The following IPO9 variants were observed in gnomAD, a reference collection of about 807,000 sequenced individuals.
IPO9 encodes importin-9.
In IPO9, 28 loss-of-function variants were observed where a neutral mutation model predicts 128.6. That is an observed-to-expected ratio of 0.22 (90% CI 0.16 to 0.30). IPO9 has a LOEUF of 0.30. IPO9 is among the 10% of genes least tolerant of loss of function. The probability of loss-of-function intolerance (pLI) is 1.00; values close to 1 mark genes in which losing one functional copy is unlikely to be tolerated. For synonymous variants in IPO9, 455 were observed against 475.8 expected, an observed-to-expected ratio of 0.96 and a Z score of 0.57; for missense variants, 935 against 1,293.9, an observed-to-expected ratio of 0.72 and a Z score of 4.26.
chr1:201,857,866 T>C (rs1221989427), intron 11 of IPO9, among the ~76,000 whole-genome samples: 2 of 151,886 alleles, frequency 1.3e-5, no homozygotes. Context: ...GACAAAAGGT[T>C]GGCAAACCTA....
At position 201,829,270 on chromosome 1, in the gene IPO9, T is replaced by C. The variant is rs1303313794; in HGVS notation, c.61T>C (p.Leu21=). ...GCTGCCGGGTCCAGTGGCACAAGGA[T>C]TAAAGGAAGCGTTAGTGGATACGCT... ...SGLPGPVAQG[L]KEALVDTLTG... Residue 21 remains leucine (L), a synonymous_variant, in exon 1 of 24, where the codon TTA becomes CTA. Coordinates refer to ENST00000361565, the MANE Select transcript of IPO9 (RefSeq NM_018085.5). 2.5e-6 allele frequency: 4 copies of C among 1,598,686 alleles called. No individual in the cohort carries two copies. In the African/African-American group the frequency reaches 5.4e-5, roughly 22 times the overall value.
intron 21 of IPO9, 134 bp downstream of exon 21, chr1:201,874,506 C>T (rs1216781426): frequency 4.1e-6 from 4 of 982,384 alleles, no homozygotes; most frequent in Admixed American, 2.7e-5. Flanking sequence ...GTGGCTGGCA[C>T]CATGCTAGGC....
intron 1 of IPO9, among the ~76,000 whole-genome samples, chr1:201,842,540 A>G (rs1680053236): frequency 6.6e-6 from 1 of 152,166 alleles, no homozygotes. Flanking sequence ...GCCAGCTATC[A>G]AGTCAGCTTA....
At chr1:201,869,435 A>G (rs1180838091) in intron 16 of IPO9, among the ~76,000 whole-genome samples, 155 bp from the exon 17 acceptor site, 1 of 152,126 alleles carries the variant, frequency 6.6e-6, no homozygotes, top group Non-Finnish European at 1.5e-5. Context: ...TGAGAGTACT[A>G]CCCATTTAAT....
chr1:201,852,925 A>T, intron 5 of IPO9, 86 bp from the exon 6 acceptor site: 1 of 1,029,522 alleles, frequency 9.7e-7, no homozygotes, highest in Non-Finnish European at 1.5e-6. Flanking sequence ...TTCATTAGTC[A>T]TAGTTTTACT....
intron 23 of IPO9, 36 bp from the exon 24 acceptor site, chr1:201,875,908 A>C: frequency 7.6e-7 from 1 of 1,315,630 alleles, no homozygotes; most frequent in South Asian, 1.2e-5. Context: ...GTGACTTGCA[A>C]TGTCTCACTA....
In IPO9 at chr1:201,829,239, C is replaced by T. The variant is rs537589191; in HGVS notation, c.30C>T (p.Ala10=). 26 of 1,573,722 alleles carry T rather than the reference C, an allele frequency of 1.7e-5. No individual in the cohort carries two copies. The South Asian group carries it at 1.9e-4, about 11-fold the overall frequency. MAAAAAAGA[A]SGLPGPVAQG... ...CGGCGGCGGCGGCAGCTGGTGCGGC[C>T]TCCGGGCTGCCGGGTCCAGTGGCAC... The change falls in exon 1 of 24, where the codon GCC becomes GCT. Residue 10 remains alanine (A), a synonymous_variant. Coordinates refer to ENST00000361565, the MANE Select transcript of IPO9 (RefSeq NM_018085.5).
intron 5 of IPO9, 47 bp from the exon 6 acceptor site, chr1:201,852,964 C>A: frequency 1.4e-6 from 2 of 1,440,290 alleles, no homozygotes; most frequent in Non-Finnish European, 2.0e-6. Context: ...CATACCTACA[C>A]ACTCCAGTCT....
chr1:201,875,676 G>C (rs1178431058), intron 23 of IPO9, among the ~76,000 whole-genome samples: 2 of 152,134 alleles, frequency 1.3e-5, no homozygotes, highest in Non-Finnish European at 2.9e-5. Flanking sequence ...CAGGGTTTTG[G>C]GTGGGCTGGA....
Position 201,879,505 on chromosome 1 carries a change from T to C in IPO9, c.*3451T>C, listed in dbSNP as rs926265209. 5 of 152,158 alleles carry C rather than the reference T, an allele frequency of 3.3e-5. No homozygotes were observed. The highest frequency in any genetic ancestry group is 2.6e-4 in the Admixed American group (4 of 15,282). The allele number at this position is 152,158 out of a possible 1,614,324, so 9.4% of individuals were successfully genotyped here. A position where few individuals can be genotyped will look rare whatever the true frequency, so the allele number is the denominator to read the frequency against. ...ATTCCACAAAAGAATTTGAAGCCAT[T>C]TACACAAGAGATAGTACTAGTAAAT... On this transcript the variant is annotated 3_prime_UTR_variant, in exon 24 of 24. Coordinates refer to ENST00000361565, the MANE Select transcript of IPO9 (RefSeq NM_018085.5).
In IPO9 at chr1:201,883,700, T is replaced by C. The variant is rs1377655004; in HGVS notation, c.*7646T>C. On this transcript the variant is annotated 3_prime_UTR_variant, in exon 24 of 24. Transcript: ENST00000361565. ...TTCTGGAGAGGGGAACAAACCATAA[T>C]AACAACAAACCAGGTAGCAGGATAG... The C allele has an allele frequency of 6.6e-6, 1 of 152,254 alleles. No individual in the cohort carries two copies. Among genetic ancestry groups the C allele is most frequent in the African/African-American group, 2.4e-5 (1 of 41,460 alleles). 9.4% of individuals were successfully genotyped at this position (152,254 alleles called of 1,614,324 possible).
intron 1 of IPO9, among the ~76,000 whole-genome samples, chr1:201,844,713 T>C (rs1430014544): frequency 6.6e-6 from 1 of 152,218 alleles, no homozygotes; most frequent in East Asian, 1.9e-4. Flanking sequence ...TTAGCAGTTA[T>C]TAACCTGGTT....
chr1:201,865,596 A>C (rs564763774), intron 14 of IPO9, among the ~76,000 whole-genome samples: 1 of 152,188 alleles, frequency 6.6e-6, no homozygotes, highest in East Asian at 1.9e-4. Context: ...CCCAGTTTTA[A>C]TTTATTCCTT....
rs141794203 is a variant in IPO9 at position 201,855,809 on chromosome 1, G to A, written c.997G>A (p.Val333Ile). 9.9e-5 allele frequency: 159 copies of A among 1,610,122 alleles called. No individual in the cohort carries two copies. The East Asian group carries it at 2.7e-3, about 28-fold the overall frequency. Residue 333 changes from valine (V) to isoleucine (I), a missense_variant, in exon 10 of 24, where the codon GTC becomes ATC. Around this residue, in one of 3 missense-constraint regions of IPO9, gnomAD observed 741 missense variants for 1,019.1 expected, o/e 0.73. Transcript: ENST00000361565. The stretch of plus-strand genomic sequence containing the variant: ...TGAAGTCCTGGGCTTTGAAAATCTC[G>A]TCTTTAGCATTTTTGAATTTGTCCA... ...DGEVLGFENL[V>I]FSIFEFVHAL...
At chr1:201,852,367 A>T (rs561507745) in intron 5 of IPO9, among the ~76,000 whole-genome samples, 175 bp downstream of exon 5, 7 of 152,354 alleles carry the variant, frequency 4.6e-5, no homozygotes, top group African/African-American at 1.7e-4. Context: ...TACAAGGGCA[A>T]GCCTTTGATA....
At chr1:201,861,906 A>G (rs775495076) in intron 13 of IPO9, among the ~76,000 whole-genome samples, 1 of 152,232 alleles carries the variant, frequency 6.6e-6, no homozygotes, top group Non-Finnish European at 1.5e-5. Flanking sequence ...GAATTAGGTA[A>G]TGCAAGGAGG....
At position 201,876,250 on chromosome 1, in the gene IPO9, A is replaced by T. The variant is rs1214464405; in HGVS notation, c.*196A>T. ...TCACTTAGGAATGCTGGAACAAAGGACATTTCTCAAAGTTCCCCTGAAGAC... is the reference window on the plus strand; with the variant it reads ...TCACTTAGGAATGCTGGAACAAAGGTCATTTCTCAAAGTTCCCCTGAAGAC... On this transcript the variant is annotated 3_prime_UTR_variant, in exon 24 of 24. Coordinates refer to ENST00000361565, the MANE Select transcript of IPO9 (RefSeq NM_018085.5). 1.4e-6 allele frequency: 1 copy of T among 698,396 alleles called. No individual in the cohort carries two copies. The highest frequency in any genetic ancestry group is 1.5e-5 in the South Asian group (1 of 66,962). The allele number at this position is 698,396 out of a possible 1,614,324, so 43.3% of individuals were successfully genotyped here.
intron 1 of IPO9, among the ~76,000 whole-genome samples, chr1:201,846,961 G>A (rs1006083660): frequency 7.3e-4 from 111 of 152,274 alleles, no homozygotes; most frequent in African/African-American, 2.6e-3. Context: ...GAGCCACCAC[G>A]CCAGGCTCCA....
rs770493788 is a variant in IPO9 at position 201,829,222 on chromosome 1, G to T, written c.13G>T (p.Ala5Ser). The change falls in exon 1 of 24, where the codon GCG becomes TCG. Residue 5 changes from alanine (A) to serine (S), a missense_variant. Ala to Ser is a moderately conservative substitution (Grantham distance 99). Around this residue, in one of 3 missense-constraint regions of IPO9, gnomAD observed 741 missense variants for 1,019.1 expected, o/e 0.73. Transcript: ENST00000361565. ...GAGGGGAGAAAAGATGGCGGCGGCG[G>T]CGGCAGCTGGTGCGGCCTCCGGGCT... MAAA[A>S]AAGAASGLPG... 6.4e-7 allele frequency: 1 copy of T among 1,559,134 alleles called. No individual in the cohort carries two copies. Among genetic ancestry groups the T allele is most frequent in the African/African-American group, 1.4e-5 (1 of 70,932 alleles).
Sources: allele counts gnomAD v4.1 joint callset (sites outside exome capture counted in the v4.1 genomes callset), GRCh38; gene constraint gnomAD v4.1.1; regional missense constraint gnomAD v4.1.1; transcripts MANE v1.5; gene names NCBI Gene and HGNC (gene_info 2026-07-23, HGNC 2026-07-21).